Variants in NYX observed in about 807,000 individuals in gnomAD.
The protein encoded by NYX is nyctalopin.
For synonymous variants in NYX, 258 were observed against 245.7 expected (o/e 1.05, Z -0.47); for missense variants, 481 against 485.4 (o/e 0.99, Z 0.09).
rs749347696 is a variant in NYX, at chrX:41,464,164, A to T, written c.23-9327A>T. 2.9e-3 allele frequency among the ~76,000 whole-genome samples: 220 copies of T among 77,050 alleles called. 1 individual carries two copies. Among genetic ancestry groups the T allele is most frequent in the African/African-American group, 5.3e-3 (110 of 20,941 alleles). 66.9% of individuals were successfully genotyped at this position (77,050 alleles called of 115,157 possible). A position where few individuals can be genotyped will look rare whatever the true frequency, so the allele number is the denominator to read the frequency against. On this transcript the variant is annotated intron_variant, in intron 2 of 2. Transcript: ENST00000378220. Reference sequence around the variant, plus strand: ...AATCCCATTCTTTTTTTTTTTTTTTAAAACAAGGTCTGGCTCTGTGGCCCA... The same window carrying T: ...AATCCCATTCTTTTTTTTTTTTTTTTAAACAAGGTCTGGCTCTGTGGCCCA...
Position 41,470,110 on chromosome X carries a change from T to C in NYX, c.23-3381T>C, listed in dbSNP as rs184272550. Among the ~76,000 whole-genome samples the C allele has an allele frequency of 2.1e-3, 230 of 108,377 alleles. 1 individual carries two copies. The highest frequency in any genetic ancestry group is 7.3e-3 in the African/African-American group (218 of 29,858). The allele number at this position is 108,377 out of a possible 115,157, so 94.1% of individuals were successfully genotyped here. On this transcript the variant is annotated intron_variant, in intron 2 of 2. Coordinates refer to ENST00000378220, the MANE Select transcript of NYX (RefSeq NM_001378477.3). Reference sequence around the variant, plus strand: ...CCTTTTGGCTTAATTTTAGTGACTGTTACAGAAAAAAAAAATTGATTGACA... The same window carrying C: ...CCTTTTGGCTTAATTTTAGTGACTGCTACAGAAAAAAAAAATTGATTGACA...
At chrX:41,470,467 G>A (rs2064354926) in intron 2 of NYX, among the ~76,000 whole-genome samples, 1 of 110,892 alleles carries the variant, frequency 9.0e-6, no homozygotes, top group Non-Finnish European at 1.9e-5. Flanking sequence ...GCCAAGGTGG[G>A]CGGATCAACT....
intron 2 of NYX, among the ~76,000 whole-genome samples, chrX:41,467,751 G>A (rs753664487): frequency 5.4e-5 from 6 of 111,030 alleles, no homozygotes; most frequent in Admixed American, 1.9e-4. Context: ...TTGAACTCCT[G>A]GGCTCAAGTA....
In NYX at chrX:41,474,717, G is replaced by A; in HGVS notation, c.1249G>A (p.Ala417Thr). The A allele has an allele frequency of 1.7e-6, 2 of 1,197,106 alleles. No homozygotes were observed. Among genetic ancestry groups the A allele is most frequent in the Non-Finnish European group, 2.2e-6 (2 of 889,583 alleles). Reference sequence around the variant, plus strand: ...CAGCAGCCTCCTCTCCAAGCTGCTGGCCCCGAGGGTCCCGGTGGAGGAGGC... The same window carrying A: ...CAGCAGCCTCCTCTCCAAGCTGCTGACCCCGAGGGTCCCGGTGGAGGAGGC... Reference protein sequence around the residue: ...RFSSLLSKLLAPRVPVEEAAN... With the variant: ...RFSSLLSKLLTPRVPVEEAAN... Residue 417 changes from alanine to threonine, a missense_variant, in exon 3 of 3, where the codon GCC becomes ACC. Ala to Thr is a moderately conservative substitution (Grantham distance 58). Transcript: ENST00000378220.
chrX:41,471,833 ATTT>A (rs61276668), intron 2 of NYX, among the ~76,000 whole-genome samples: 15,113 of 101,547 alleles, frequency 0.15, 949 homozygotes, highest in Middle Eastern at 0.23. Flanking sequence ...ATATATATGT[ATTT>A]TTTTTTTTTT....
rs145752827 is a variant in NYX at position 41,469,599 on chromosome X, T to C, written c.23-3892T>C. 9.1e-3 allele frequency among the ~76,000 whole-genome samples: 895 copies of C among 98,045 alleles called. 9 individuals are homozygous for C. The highest frequency in any genetic ancestry group is 0.034 in the African/African-American group (876 of 26,130). 85.1% of individuals were successfully genotyped at this position (98,045 alleles called of 115,157 possible). A position where few individuals can be genotyped will look rare whatever the true frequency, so the allele number is the denominator to read the frequency against. ...TCTCACTCTGTCACCCAGGCTAGAG[T>C]GTAGTGGTGCAATCTCGGCTCACTG... On this transcript the variant is annotated intron_variant, in intron 2 of 2. Coordinates refer to ENST00000378220, the MANE Select transcript of NYX (RefSeq NM_001378477.3).
At chrX:41,460,876 ATTTTTTTT>A (rs59383905) in intron 2 of NYX, among the ~76,000 whole-genome samples, 11 of 24,772 alleles carry the variant, frequency 4.4e-4, no homozygotes, top group Admixed American at 1.4e-3. Flanking sequence ...CACAGTATGT[ATTTTTTTT>A]TTTTTTTTTT....
At chrX:41,448,022 C>T (rs987688282) in intron 2 of NYX, 96 bp downstream of exon 2, 27 of 860,637 alleles carry the variant, frequency 3.1e-5, no homozygotes, top group East Asian at 3.3e-5. Flanking sequence ...TCTGGGACAG[C>T]GGTATCTGGA....
chrX:41,474,473 C>T lies in NYX; in HGVS notation c.1005C>T (p.Cys335=), dbSNP rs1449257504. ...TCCTCTTCCGCAACCCGTGGTGCTG[C>T]GACTGCCGTCTGGAGTGGCTGAGGG... The part of the protein sequence containing the change: ...RLFLFRNPWC[C]DCRLEWLRDW... The change falls in exon 3 of 3, where the codon TGC becomes TGT. Residue 335 remains cysteine (C), a synonymous_variant. Coordinates refer to ENST00000378220, the MANE Select transcript of NYX (RefSeq NM_001378477.3). 2 of 1,207,490 alleles carry T rather than the reference C, an allele frequency of 1.7e-6. No homozygotes were observed. Among genetic ancestry groups the T allele is most frequent in the Non-Finnish European group, 2.2e-6 (2 of 895,057 alleles).
In NYX at chrX:41,474,566, G is replaced by C; in HGVS notation, c.1098G>C (p.Leu366=). ...PCASPGSVAG[L]DLSQVTFGRS... is the part of the protein sequence containing the mutation. Reference sequence around the variant, plus strand: ...CCTCCCCGGGCTCCGTGGCCGGCCTGGACCTCAGCCAGGTGACCTTCGGGC... The same window carrying C: ...CCTCCCCGGGCTCCGTGGCCGGCCTCGACCTCAGCCAGGTGACCTTCGGGC... The change falls in exon 3 of 3, where the codon CTG becomes CTC. Residue 366 remains leucine, a synonymous_variant. Coordinates refer to ENST00000378220, the MANE Select transcript of NYX (RefSeq NM_001378477.3). 8.3e-7 allele frequency: 1 copy of C among 1,197,628 alleles called. No individual in the cohort carries two copies. The highest frequency in any genetic ancestry group is 1.7e-5 in the African/African-American group (1 of 57,666).
chrX:41,469,423 A>C (rs2064351430), intron 2 of NYX, among the ~76,000 whole-genome samples: 2 of 111,283 alleles, frequency 1.8e-5, no homozygotes, highest in South Asian at 7.6e-4. Flanking sequence ...GGAATTTCAG[A>C]TAGAGCTGCC....
rs868718094 is a variant in NYX at position 41,473,665 on chromosome X, G to A, written c.197G>A (p.Arg66Gln). 8 of 1,112,127 alleles carry A rather than the reference G, an allele frequency of 7.2e-6. No homozygotes were observed. In the Middle Eastern group the frequency reaches 2.0e-3, roughly 271 times the overall value. The allele number at this position is 1,112,127 out of a possible 1,213,427, so 91.7% of individuals were successfully genotyped here. The change falls in exon 3 of 3, where the codon CGG (arginine) becomes CAG (glutamine). Residue 66 changes from arginine to glutamine, a missense_variant. Transcript: ENST00000378220. ...PCEAVSIDLDRNGLRFLGERA... is the reference protein window; with the variant it reads ...PCEAVSIDLDQNGLRFLGERA... ...GAGGCGGTCTCCATCGACCTGGACCGGAACGGCCTGCGCTTCCTGGGCGAG... is the reference window on the plus strand; with the variant it reads ...GAGGCGGTCTCCATCGACCTGGACCAGAACGGCCTGCGCTTCCTGGGCGAG...
At chrX:41,456,261 G>A (rs921596405) in intron 2 of NYX, among the ~76,000 whole-genome samples, 1 of 111,389 alleles carries the variant, frequency 9.0e-6, no homozygotes, top group African/African-American at 3.3e-5. Flanking sequence ...GCTTGAACCC[G>A]GGAGGCAGAG....
chrX:41,452,137 A>G (rs915500632), intron 2 of NYX, among the ~76,000 whole-genome samples: 1 of 109,490 alleles, frequency 9.1e-6, no homozygotes, highest in African/African-American at 3.3e-5. Context: ...ATGCCTGGCT[A>G]ATTTTTGTTT....
intron 2 of NYX, among the ~76,000 whole-genome samples, chrX:41,466,035 C>T (rs970544507): frequency 3.6e-5 from 4 of 111,502 alleles, no homozygotes; most frequent in African/African-American, 1.3e-4. Flanking sequence ...GTTTTCCCTC[C>T]TCAATTTCCA....
chrX:41,474,646 G>A lies in NYX; in HGVS notation c.1178G>A (p.Ser393Asn). 8.3e-7 allele frequency: 1 copy of A among 1,198,452 alleles called. No homozygotes were observed. Among genetic ancestry groups the A allele is most frequent in the South Asian group, 1.8e-5 (1 of 54,929 alleles). The change falls in exon 3 of 3, where the codon AGT (serine) becomes AAT (asparagine). Residue 393 changes from serine (S) to asparagine (N), a missense_variant. Coordinates refer to ENST00000378220, the MANE Select transcript of NYX (RefSeq NM_001378477.3). ...DPEELNLTTS[S>N]PGPSPEPAAT... is the part of the protein sequence containing the mutation. ...GAGGAGCTGAACCTCACCACGTCCA[G>A]TCCAGGCCCGTCCCCAGAACCAGCG...
At chrX:41,454,179 A>G (rs2064291192) in intron 2 of NYX, among the ~76,000 whole-genome samples, 1 of 111,896 alleles carries the variant, frequency 8.9e-6, no homozygotes, top group African/African-American at 3.2e-5. Context: ...AAAGCTCCAC[A>G]AGGTGATTCT....
intron 2 of NYX, among the ~76,000 whole-genome samples, chrX:41,451,255 C>G (rs2064279082): frequency 8.9e-6 from 1 of 111,926 alleles, no homozygotes; most frequent in South Asian, 3.7e-4. Context: ...AGAACTGTTT[C>G]TTAGAAAGTG....
rs749658239 is a variant in NYX at position 41,474,030 on chromosome X, C to T, written c.562C>T (p.Arg188Cys). The T allele has an allele frequency of 5.1e-5, 54 of 1,049,237 alleles. No individual in the cohort carries two copies. The highest frequency in any genetic ancestry group is 1.7e-4 in the South Asian group (7 of 40,111). 86.5% of individuals were successfully genotyped at this position (1,049,237 alleles called of 1,213,427 possible). Reference protein sequence around the residue: ...NLTHAHLERGRIEAVASSSLQ... With the variant: ...NLTHAHLERGCIEAVASSSLQ... ...GACGCACGCGCACCTGGAGCGCGGC[C>T]GCATCGAGGCGGTGGCCTCCAGCTC... Residue 188 changes from arginine (R) to cysteine (C), a missense_variant, in exon 3 of 3, where the codon CGC (arginine) becomes TGC (cysteine). Transcript: ENST00000378220.
Sources: gnomAD v4.1 joint callset for allele counts (sites outside exome capture counted in the v4.1 genomes callset) on GRCh38, gnomAD v4.1.1 for gene constraint, MANE v1.5 for transcripts, NCBI Gene and HGNC (gene_info 2026-07-23, HGNC 2026-07-21) for gene names.